KCNMA1: variants seen among roughly 807,000 people sequenced by gnomAD.
KCNMA1 encodes the protein potassium calcium-activated channel subfamily M alpha 1, also known as Calcium-activated potassium channel subunit alpha-1.
A neutral mutation model predicts 140.0 loss-of-function variants in KCNMA1; 29 were observed. The observed-to-expected ratio is 0.21, with a 90% CI of 0.15 to 0.28. The LOEUF is 0.28. Among genes scored for constraint, KCNMA1 ranks in the 10% least tolerant of loss-of-function variants. The probability of loss-of-function intolerance (pLI) is 1.00; values close to 1 mark genes in which losing one functional copy is unlikely to be tolerated. For synonymous variants in KCNMA1, 612 were observed against 611.9 expected (o/e 1.00, Z 0.00); for missense variants, 880 against 1,602.2 (o/e 0.55, Z 7.70).
At chr10:77,278,396 G>T (rs2067311747) in intron 2 of KCNMA1, among the ~76,000 whole-genome samples, 1 of 152,152 alleles carries the variant, frequency 6.6e-6, no homozygotes, top group East Asian at 1.9e-4. Flanking sequence ...GATCAGTTTG[G>T]CTAGAATGGC....
intron 1 of KCNMA1, among the ~76,000 whole-genome samples, chr10:77,487,177 C>A (rs1452268145): frequency 6.6e-6 from 1 of 152,176 alleles, no homozygotes; most frequent in Non-Finnish European, 1.5e-5. Context: ...GATGAGTAAA[C>A]CCCCACACAG....
intron 2 of KCNMA1, among the ~76,000 whole-genome samples, chr10:77,337,999 C>T (rs2089751157): frequency 6.6e-6 from 1 of 152,200 alleles, no homozygotes; most frequent in African/African-American, 2.4e-5. Flanking sequence ...GCAAGAAATA[C>T]ACCTTTGTTG....
chr10:77,145,411 C>G (rs530825462), intron 5 of KCNMA1, among the ~76,000 whole-genome samples: 1 of 152,202 alleles, frequency 6.6e-6, no homozygotes, highest in Non-Finnish European at 1.5e-5. Flanking sequence ...TTTCTCTGGA[C>G]ATGTGTCTAT....
chr10:77,080,187 G>A (rs917877319), intron 12 of KCNMA1, among the ~76,000 whole-genome samples: 4 of 152,276 alleles, frequency 2.6e-5, no homozygotes, highest in South Asian at 2.1e-4. Context: ...GCAATGACCC[G>A]GTGACCCAGA....
intron 9 of KCNMA1, among the ~76,000 whole-genome samples, chr10:77,096,956 G>C (rs536724858): frequency 3.9e-5 from 6 of 152,152 alleles, no homozygotes; most frequent in Non-Finnish European, 8.8e-5. Flanking sequence ...AAGAGAACCA[G>C]CAGCACTGTA....
intron 14 of KCNMA1, among the ~76,000 whole-genome samples, chr10:77,051,267 CAA>C (rs1362750997): frequency 6.6e-6 from 1 of 152,088 alleles, no homozygotes; most frequent in African/African-American, 2.4e-5. Context: ...AAAGTCGCGC[CAA>C]AGAGACTAGA....
At position 77,059,905 on chromosome 10, in the gene KCNMA1, T is replaced by A. The variant is rs137859979; in HGVS notation, c.1749+13192A>T. Among the ~76,000 whole-genome samples the A allele has an allele frequency of 4.2e-3, 646 of 152,284 alleles. 7 individuals carry two copies. Among genetic ancestry groups the A allele is most frequent in the African/African-American group, 0.015 (603 of 41,566 alleles). On this transcript the variant is annotated intron_variant, in intron 14 of 27. Coordinates refer to ENST00000286628, the MANE Select transcript of KCNMA1 (RefSeq NM_001161352.2). The stretch of plus-strand genomic sequence containing the variant: ...ACAAGGTCAATACAGAAACATAATG[T>A]ATATTTCTACATACCACCAATGAAC...
intron 2 of KCNMA1, among the ~76,000 whole-genome samples, chr10:77,396,034 G>A (rs529971965): frequency 5.9e-5 from 9 of 152,188 alleles, no homozygotes; most frequent in African/African-American, 1.9e-4. Context: ...TCTATGCATG[G>A]GATGAAATAC....
chr10:76,870,643 A>C (rs192405803), exon 28 of KCNMA1: 68 of 152,366 alleles, frequency 4.5e-4, no homozygotes, highest in African/African-American at 1.6e-3. Context: ...GGGAAGAAGA[A>C]CAGTGCAGTG....
At chr10:77,194,496 C>T (rs535841438) in intron 3 of KCNMA1, among the ~76,000 whole-genome samples, 2 of 152,226 alleles carry the variant, frequency 1.3e-5, no homozygotes, top group South Asian at 4.1e-4. Flanking sequence ...ATGGCATGAC[C>T]CTGGCAATGG....
chr10:77,126,846 C>A (rs1262067643), intron 5 of KCNMA1, among the ~76,000 whole-genome samples: 1 of 151,978 alleles, frequency 6.6e-6, no homozygotes, highest in Non-Finnish European at 1.5e-5. Flanking sequence ...CAGCTGCAGC[C>A]AGCCTGAGTT....
At chr10:77,560,907 C>A (rs2066148599) in intron 1 of KCNMA1, among the ~76,000 whole-genome samples, 1 of 152,188 alleles carries the variant, frequency 6.6e-6, no homozygotes, top group Admixed American at 6.5e-5. Flanking sequence ...ACAACTAGAT[C>A]TTTCTGAGCA....
At chr10:76,997,540 C>T (rs767420988) in intron 19 of KCNMA1, among the ~76,000 whole-genome samples, 49 of 152,162 alleles carry the variant, frequency 3.2e-4, no homozygotes, top group African/African-American at 1.1e-3. Context: ...TATGGCCCTA[C>T]GTTGCCACTG....
At chr10:77,119,574 C>G (rs1397896535) in intron 6 of KCNMA1, among the ~76,000 whole-genome samples, 1 of 152,004 alleles carries the variant, frequency 6.6e-6, no homozygotes, top group Non-Finnish European at 1.5e-5. Context: ...CTTCATTGAT[C>G]GTTTACATTT....
intron 2 of KCNMA1, among the ~76,000 whole-genome samples, chr10:77,370,562 A>G (rs772277126): frequency 6.6e-6 from 1 of 152,178 alleles, no homozygotes; most frequent in Non-Finnish European, 1.5e-5. Flanking sequence ...AGAATAAAAA[A>G]AGTCAACATA....
chr10:77,293,488 T>TC (rs1265781435), intron 2 of KCNMA1, among the ~76,000 whole-genome samples: 1 of 152,202 alleles, frequency 6.6e-6, no homozygotes, highest in Non-Finnish European at 1.5e-5. Flanking sequence ...GCCCTGACTC[T>TC]AAGGGGCATT....
At chr10:77,428,098 T>C (rs1007019533) in intron 1 of KCNMA1, among the ~76,000 whole-genome samples, 14 of 152,122 alleles carry the variant, frequency 9.2e-5, no homozygotes, top group African/African-American at 3.4e-4. Context: ...CCTTCTAAAT[T>C]CAGTGGCCAA....
At chr10:77,002,114 T>C (rs1305435974) in intron 18 of KCNMA1, among the ~76,000 whole-genome samples, 1 of 152,224 alleles carries the variant, frequency 6.6e-6, no homozygotes, top group African/African-American at 2.4e-5. Context: ...TCAAATTAGA[T>C]GTGAAACGAT....
intron 3 of KCNMA1, among the ~76,000 whole-genome samples, chr10:77,233,764 A>C (rs1430954566): frequency 6.6e-6 from 1 of 152,176 alleles, no homozygotes; most frequent in Non-Finnish European, 1.5e-5. Context: ...TACCTAATAA[A>C]TTCGGAGGAC....
Sources: gnomAD v4.1 joint callset for allele counts (sites outside exome capture counted in the v4.1 genomes callset) on GRCh38, gnomAD v4.1.1 for gene constraint, MANE v1.5 for transcripts, NCBI Gene and HGNC (gene_info 2026-07-23, HGNC 2026-07-21) for gene names.